The following NRG3 variants were observed in gnomAD, a reference collection of about 807,000 sequenced individuals.
NRG3 encodes the protein neuregulin 3.
Under a neutral mutation model 66.9 loss-of-function variants are expected in NRG3, and 31 were observed. The ratio of observed to expected loss-of-function variants is 0.46; its 90% CI spans 0.35 to 0.63. The LOEUF is 0.63. NRG3 is among the 20% of genes least tolerant of loss of function. The pLI is 0.00. For synonymous variants in NRG3, 393 were observed against 359.4 expected (o/e 1.09, Z -1.06); for missense variants, 910 against 878.9 (o/e 1.04, Z -0.45).
chr10:82,531,689 C>A (rs1367047606), intron 2 of NRG3, among the ~76,000 whole-genome samples: 2 of 151,856 alleles, frequency 1.3e-5, no homozygotes, highest in East Asian at 3.8e-4. Flanking sequence ...CACACATACA[C>A]ACAGAGGGGC....
intron 3 of NRG3, among the ~76,000 whole-genome samples, chr10:82,836,568 G>A (rs2062787407): frequency 6.6e-6 from 1 of 151,662 alleles, no homozygotes; most frequent in Non-Finnish European, 1.5e-5. Context: ...GTTGACCATT[G>A]TTATTTTCTT....
chr10:82,985,739 C>A lies in NRG3; in HGVS notation c.*134C>A. 1 of 949,908 alleles carries A rather than the reference C, an allele frequency of 1.1e-6. No homozygotes were observed. The highest frequency in any genetic ancestry group is 1.6e-6 in the Non-Finnish European group (1 of 642,672). 58.8% of individuals were successfully genotyped at this position (949,908 alleles called of 1,614,324 possible). A position where few individuals can be genotyped will look rare whatever the true frequency, so the allele number is the denominator to read the frequency against. On this transcript the variant is annotated 3_prime_UTR_variant, in exon 9 of 9. Transcript: ENST00000372141. ...ACCAAATAGTCTATCGCCCTCATAT[C>A]ATAGTGTTTTTTAACAAAATATTTT...
chr10:82,273,401 C>T lies in NRG3; in HGVS notation c.824-85338C>T, dbSNP rs888732965. Among the ~76,000 whole-genome samples the T allele has an allele frequency of 4.6e-5, 7 of 151,912 alleles. No individual in the cohort carries two copies. In the East Asian group the frequency reaches 1.4e-3, roughly 29 times the overall value. ...TACTTTGTGCTTTCCTTCACAATGA[C>T]TTGTTAATTTATTTTTAAGTTTTCT... is the stretch of plus-strand genomic sequence containing the variant. On this transcript the variant is annotated intron_variant, in intron 1 of 8. Transcript: ENST00000372141.
At chr10:82,480,686 G>A (rs775128171) in intron 2 of NRG3, among the ~76,000 whole-genome samples, 2 of 152,162 alleles carry the variant, frequency 1.3e-5, no homozygotes, top group African/African-American at 4.8e-5. Context: ...CATACAGCCC[G>A]TGCATGGCAC....
chr10:82,577,153 C>T (rs1472108917), intron 2 of NRG3, among the ~76,000 whole-genome samples: 4 of 151,586 alleles, frequency 2.6e-5, no homozygotes, highest in Non-Finnish European at 5.9e-5. Context: ...TATATAATTC[C>T]CAACATACCA....
chr10:82,036,395 AC>A (rs2062791710), intron 1 of NRG3, among the ~76,000 whole-genome samples: 1 of 152,008 alleles, frequency 6.6e-6, no homozygotes, highest in East Asian at 1.9e-4. Flanking sequence ...CTTCCTAACA[AC>A]CCTGCTAGGC....
chr10:82,177,868 A>G (rs900469774), intron 1 of NRG3, among the ~76,000 whole-genome samples: 5 of 152,202 alleles, frequency 3.3e-5, no homozygotes, highest in Non-Finnish European at 7.3e-5. Flanking sequence ...GAACAGACCT[A>G]TAACCAGTAA....
At chr10:82,646,544 C>G (rs2133850914) in intron 2 of NRG3, among the ~76,000 whole-genome samples, 1 of 152,272 alleles carries the variant, frequency 6.6e-6, no homozygotes, top group Non-Finnish European at 1.5e-5. Flanking sequence ...CTTCCCATTA[C>G]AGTAAATTAC....
intron 1 of NRG3, among the ~76,000 whole-genome samples, chr10:82,345,632 T>C (rs1438106508): frequency 6.6e-6 from 1 of 151,544 alleles, no homozygotes; most frequent in African/African-American, 2.4e-5. Flanking sequence ...GGGATGGCAT[T>C]GAATCTATAA....
intron 1 of NRG3, among the ~76,000 whole-genome samples, chr10:82,177,775 T>C: frequency 6.6e-6 from 1 of 152,164 alleles, no homozygotes; most frequent in East Asian, 1.9e-4. Flanking sequence ...AGAATCTTGT[T>C]ATTAAACATG....
intron 1 of NRG3, among the ~76,000 whole-genome samples, chr10:82,000,808 A>C (rs2061132706): frequency 6.6e-6 from 1 of 152,160 alleles, no homozygotes; most frequent in African/African-American, 2.4e-5. Context: ...AATGCAGTAC[A>C]TTTCTGCTGC....
At chr10:82,112,404 G>A (rs2067439873) in intron 1 of NRG3, among the ~76,000 whole-genome samples, 1 of 152,114 alleles carries the variant, frequency 6.6e-6, no homozygotes, top group African/African-American at 2.4e-5. Flanking sequence ...GGAAGATGAG[G>A]GAACAGGCCT....
chr10:82,361,861 A>AT (rs1473487829), intron 2 of NRG3, among the ~76,000 whole-genome samples: 1 of 152,048 alleles, frequency 6.6e-6, no homozygotes, highest in East Asian at 1.9e-4. Context: ...TCAATAGTTT[A>AT]TTTTTTTGTG....
At chr10:81,932,117 A>C (rs1847413612) in intron 1 of NRG3, among the ~76,000 whole-genome samples, 1 of 151,882 alleles carries the variant, frequency 6.6e-6, no homozygotes, top group South Asian at 2.1e-4. Flanking sequence ...TGGTGGAAGG[A>C]GGTGAAGCAG....
intron 3 of NRG3, among the ~76,000 whole-genome samples, chr10:82,764,875 G>A: frequency 6.6e-6 from 1 of 151,926 alleles, no homozygotes; most frequent in East Asian, 1.9e-4. Flanking sequence ...AGAGAGGAAA[G>A]AAAAGAGAGA....
intron 2 of NRG3, among the ~76,000 whole-genome samples, chr10:82,619,708 G>A (rs943029460): frequency 3.3e-5 from 5 of 152,236 alleles, no homozygotes; most frequent in Admixed American, 1.3e-4. Flanking sequence ...AGGTTATGAG[G>A]GTGAGCCCTA....
At chr10:82,919,454 C>G (rs1458596645) in intron 4 of NRG3, among the ~76,000 whole-genome samples, 1 of 152,118 alleles carries the variant, frequency 6.6e-6, no homozygotes, top group African/African-American at 2.4e-5. Flanking sequence ...GTACTCTGAA[C>G]ACATGGGAGT....
rs185794304 is a variant in NRG3, at chr10:82,688,198, G to A, written c.954-50379G>A. ...TATTTACTTCACTACATGTACATCC[G>A]ATACCCTTGAACATATCTGTATTAC... On this transcript the variant is annotated intron_variant, in intron 2 of 8. Coordinates refer to ENST00000372141, the MANE Select transcript of NRG3 (RefSeq NM_001010848.4). Among the ~76,000 whole-genome samples the A allele has an allele frequency of 1.6e-4, 24 of 152,214 alleles. No individual in the cohort carries two copies. The East Asian group carries it at 3.9e-3, about 24-fold the overall frequency.
intron 2 of NRG3, among the ~76,000 whole-genome samples, chr10:82,645,019 G>A (rs2050840622): frequency 6.6e-6 from 1 of 152,070 alleles, no homozygotes; most frequent in Non-Finnish European, 1.5e-5. Flanking sequence ...TCAATAATTT[G>A]CTTTACAGTT....
Sources: allele counts gnomAD v4.1 joint callset (sites outside exome capture counted in the v4.1 genomes callset), GRCh38; gene constraint gnomAD v4.1.1; transcripts MANE v1.5; gene names NCBI Gene and HGNC (gene_info 2026-07-23, HGNC 2026-07-21).